The following LRRC7 variants were observed in gnomAD, a reference collection of about 807,000 sequenced individuals.
LRRC7 encodes leucine rich repeat containing 7.
LRRC7 carries 23 observed loss-of-function variants against 175.7 expected under a neutral mutation model. The observed-to-expected ratio is 0.13, with a 90% CI of 0.09 to 0.19. LRRC7 has a LOEUF of 0.19. LRRC7 is among the 10% of genes least tolerant of loss of function. The pLI is 1.00. For synonymous variants in LRRC7, 685 were observed against 680.9 expected, an observed-to-expected ratio of 1.01 and a Z score of -0.09; for missense variants, 1,354 against 1,904.7, an observed-to-expected ratio of 0.71 and a Z score of 5.38.
At chr1:69,871,821 C>A (rs1300797232) in intron 7 of LRRC7, among the ~76,000 whole-genome samples, 1 of 151,940 alleles carries the variant, frequency 6.6e-6, no homozygotes, top group African/African-American at 2.4e-5. Context: ...AAACATGAAG[C>A]TAAGTAATTT....
At chr1:69,987,976 T>C (rs1654090631) in intron 10 of LRRC7, among the ~76,000 whole-genome samples, 2 of 152,156 alleles carry the variant, frequency 1.3e-5, no homozygotes, top group South Asian at 2.1e-4. Context: ...ATCTGTACTT[T>C]TATTAAACAT....
chr1:69,686,841 A>G (rs529840113), intron 2 of LRRC7, among the ~76,000 whole-genome samples: 2 of 152,240 alleles, frequency 1.3e-5, no homozygotes, highest in South Asian at 2.1e-4. Flanking sequence ...AAGACCAACT[A>G]TATGTTGCTT....
chr1:69,845,560 A>G (rs1682264344), intron 7 of LRRC7, among the ~76,000 whole-genome samples: 1 of 152,048 alleles, frequency 6.6e-6, no homozygotes, highest in East Asian at 1.9e-4. Flanking sequence ...CTAGTTTACT[A>G]CCAGTTATTA....
At chr1:69,895,029 CCAGCCTGACCAA>C (rs1402798110) in intron 7 of LRRC7, among the ~76,000 whole-genome samples, 4 of 152,126 alleles carry the variant, frequency 2.6e-5, no homozygotes, top group African/African-American at 2.4e-5. Context: ...GAGTTCAAGA[CCAGCCTGACCAA>C]CACCTCTGCT....
At chr1:69,682,380 A>C (rs1245172304) in intron 2 of LRRC7, among the ~76,000 whole-genome samples, 1 of 152,128 alleles carries the variant, frequency 6.6e-6, no homozygotes, top group Non-Finnish European at 1.5e-5. Flanking sequence ...TACAGGGTTC[A>C]AGCATTAAGG....
At chr1:69,648,076 A>G (rs1353232579) in intron 1 of LRRC7, among the ~76,000 whole-genome samples, 3 of 152,132 alleles carry the variant, frequency 2.0e-5, no homozygotes, top group African/African-American at 7.2e-5. Flanking sequence ...TAATGATTCA[A>G]TTTTAATGAT....
chr1:69,711,668 G>T lies in LRRC7; in HGVS notation c.100+33190G>T, dbSNP rs145919377. Among the ~76,000 whole-genome samples the T allele has an allele frequency of 1.9e-3, 292 of 152,216 alleles. 1 individual carries two copies. Among genetic ancestry groups the T allele is most frequent in the African/African-American group, 6.8e-3 (281 of 41,528 alleles). On this transcript the variant is annotated intron_variant, in intron 2 of 26. Transcript: ENST00000651989. ...TTGTAGTGCTTGGCATTCAAATCTG[G>T]CCTATTTACCGTGTCGTCATGGCTC... is the stretch of plus-strand genomic sequence containing the variant.
chr1:69,577,711 A>C (rs9728511), intron 1 of LRRC7, among the ~76,000 whole-genome samples: 9,857 of 152,124 alleles, frequency 0.065, 360 homozygotes, highest in Middle Eastern at 0.11. Flanking sequence ...GTTATTTCTG[A>C]GGGCTCTGTT....
intron 7 of LRRC7, among the ~76,000 whole-genome samples, chr1:69,870,468 G>C (rs1009823553): frequency 6.6e-6 from 1 of 151,924 alleles, no homozygotes; most frequent in Non-Finnish European, 1.5e-5. Flanking sequence ...CTTTGAGATT[G>C]AATTAAAAAA....
chr1:70,071,337 T>G (rs1035408591), intron 23 of LRRC7, among the ~76,000 whole-genome samples: 1 of 152,202 alleles, frequency 6.6e-6, no homozygotes. Flanking sequence ...TTCTCTTTAT[T>G]ATTCATAGTC....
At chr1:69,937,221 G>A (rs1460204278) in intron 8 of LRRC7, among the ~76,000 whole-genome samples, 1 of 152,038 alleles carries the variant, frequency 6.6e-6, no homozygotes, top group East Asian at 1.9e-4. Flanking sequence ...TTGAAGTGAA[G>A]CAACTATCAT....
At chr1:69,621,557 C>T (rs1650606459) in intron 1 of LRRC7, among the ~76,000 whole-genome samples, 1 of 152,116 alleles carries the variant, frequency 6.6e-6, no homozygotes, top group Non-Finnish European at 1.5e-5. Flanking sequence ...GTTGAAATAT[C>T]ATAGTTGTTT....
At chr1:69,914,527 G>C (rs1182512363) in intron 7 of LRRC7, among the ~76,000 whole-genome samples, 1 of 152,136 alleles carries the variant, frequency 6.6e-6, no homozygotes, top group East Asian at 1.9e-4. Context: ...GATTCCAGCA[G>C]TGTTCCTCAT....
chr1:69,665,905 T>C (rs1288183779), intron 1 of LRRC7, among the ~76,000 whole-genome samples: 1 of 152,096 alleles, frequency 6.6e-6, no homozygotes, highest in Non-Finnish European at 1.5e-5. Context: ...GTGTTCCTGA[T>C]CTTAGAAAAA....
At position 69,682,653 on chromosome 1, in the gene LRRC7, G is replaced by T. The variant is rs573086805; in HGVS notation, c.100+4175G>T. Among the ~76,000 whole-genome samples the T allele has an allele frequency of 3.9e-5, 6 of 152,172 alleles. No individual in the cohort carries two copies. The East Asian group carries it at 9.7e-4, about 25-fold the overall frequency. On this transcript the variant is annotated intron_variant, in intron 2 of 26. Transcript: ENST00000651989. ...GAACCATCTATGAACCAGAAAGCGG[G>T]ACTTACCATCTACCAAATCTGCCAA... is the stretch of plus-strand genomic sequence containing the variant.
chr1:69,653,016 C>T (rs968697010), intron 1 of LRRC7, among the ~76,000 whole-genome samples: 1 of 152,030 alleles, frequency 6.6e-6, no homozygotes, highest in Non-Finnish European at 1.5e-5. Flanking sequence ...ACAGAAAAAG[C>T]TTCTTGCCAA....
intron 24 of LRRC7, among the ~76,000 whole-genome samples, 191 bp downstream of exon 24, chr1:70,076,489 G>A (rs1662787330): frequency 1.3e-5 from 2 of 152,040 alleles, no homozygotes; most frequent in African/African-American, 4.8e-5. Flanking sequence ...GGAATTTATG[G>A]TTGGTAAAAT....
chr1:70,089,583 A>G (rs982424065), intron 24 of LRRC7, 144 bp from the exon 25 acceptor site: 10 of 527,134 alleles, frequency 1.9e-5, no homozygotes, highest in African/African-American at 1.8e-4. Flanking sequence ...GTCAAAGTTT[A>G]TATTGTCTTT....
At chr1:69,972,384 A>G (rs1652326635) in intron 8 of LRRC7, among the ~76,000 whole-genome samples, 1 of 152,238 alleles carries the variant, frequency 6.6e-6, no homozygotes, top group Admixed American at 6.5e-5. Flanking sequence ...AAAAGGACTA[A>G]TGTGCAGAAT....
Sources: allele counts gnomAD v4.1 joint callset (sites outside exome capture counted in the v4.1 genomes callset), GRCh38; gene constraint gnomAD v4.1.1; transcripts MANE v1.5; gene names NCBI Gene and HGNC (gene_info 2026-07-23, HGNC 2026-07-21).